The following ASB5 variants were observed in gnomAD, a reference collection of about 807,000 sequenced individuals.
ASB5 encodes ankyrin repeat and SOCS box protein 5.
A neutral mutation model predicts 42.1 loss-of-function variants in ASB5; 45 were observed. That is an observed-to-expected ratio of 1.07 (90% confidence interval 0.84 to 1.37). ASB5 has a LOEUF of 1.37. Ranked by LOEUF, ASB5 falls within the 40% of genes most tolerant of loss-of-function variation. The probability of loss-of-function intolerance (pLI) is 0.00; values close to 1 mark genes in which losing one functional copy is unlikely to be tolerated. For synonymous variants in ASB5, 147 were observed against 150.6 expected, an observed-to-expected ratio of 0.98 and a Z score of 0.18; for missense variants, 402 against 399.8, an observed-to-expected ratio of 1.01 and a Z score of -0.05.
chr4:176,249,248 T>G (rs951767253), intron 1 of ASB5, among the ~76,000 whole-genome samples: 1 of 152,266 alleles, frequency 6.6e-6, no homozygotes, highest in African/African-American at 2.4e-5. Context: ...ATTACAGGCG[T>G]GAGCCACCGC....
chr4:176,275,712 T>C (rs1302100126), intron 2 of ASB5: 1 of 152,218 alleles, frequency 6.6e-6, no homozygotes, highest in East Asian at 1.9e-4. Flanking sequence ...CTGGTGCTTC[T>C]ATCCTGGAGG....
chr4:176,245,459 C>G (rs1230163708), intron 1 of ASB5, among the ~76,000 whole-genome samples: 1 of 152,158 alleles, frequency 6.6e-6, no homozygotes, highest in Non-Finnish European at 1.5e-5. Flanking sequence ...GGAGTATAAA[C>G]TAGTTCAACC....
At position 176,221,516 on chromosome 4, in the gene ASB5, C is replaced by T; in HGVS notation, c.469G>A (p.Glu157Lys). 2 of 1,614,124 alleles carry T rather than the reference C, an allele frequency of 1.2e-6. No homozygotes were observed. The highest frequency in any genetic ancestry group is 2.7e-5 in the African/African-American group (2 of 75,034). The change falls in exon 4 of 7, where the codon GAG becomes AAG. Residue 157 changes from glutamate (E) to lysine (K), a missense_variant. Transcript: ENST00000296525. The part of the protein sequence containing the change: ...GSPSCAELLL[E>K]YGAKAQLESC... ...TCCAGCTGGGCTTTGGCACCATACT[C>T]CAGAAGCAGCTCTGCACAGCTTGGA...
chr4:176,244,494 T>C (rs4690672), intron 1 of ASB5, among the ~76,000 whole-genome samples: 138,697 of 152,270 alleles, frequency 0.91, 63,363 homozygotes, highest in Non-Finnish European at 0.93. Context: ...AAAAACACGA[T>C]CTCACATCTA....
chr4:176,246,236 A>G (rs1488522986), intron 1 of ASB5, among the ~76,000 whole-genome samples: 3 of 152,196 alleles, frequency 2.0e-5, no homozygotes, highest in Non-Finnish European at 4.4e-5. Flanking sequence ...TTTTACAGCT[A>G]CTATAAGACT....
chr4:176,238,795 C>A (rs1436092199), intron 1 of ASB5, among the ~76,000 whole-genome samples: 1 of 152,172 alleles, frequency 6.6e-6, no homozygotes, highest in Non-Finnish European at 1.5e-5. Flanking sequence ...ATGCACTACC[C>A]TATGGACATT....
At chr4:176,227,500 G>C (rs1753412950) in intron 1 of ASB5, among the ~76,000 whole-genome samples, 1 of 152,154 alleles carries the variant, frequency 6.6e-6, no homozygotes, top group Admixed American at 6.5e-5. Context: ...ATGATAACCT[G>C]ATTGCCTAAA....
intron 1 of ASB5, among the ~76,000 whole-genome samples, chr4:176,260,677 T>G (rs1391648497): frequency 3.9e-5 from 6 of 152,258 alleles, no homozygotes; most frequent in Admixed American, 2.6e-4. Context: ...TTTGTTTTTG[T>G]TTGTTTGTTT....
chr4:176,235,613 T>C (rs757288831), intron 1 of ASB5, among the ~76,000 whole-genome samples: 5 of 152,190 alleles, frequency 3.3e-5, no homozygotes, highest in Non-Finnish European at 7.3e-5. Flanking sequence ...TGGCTTTTAG[T>C]TTTGGGAAAT....
At chr4:176,248,129 T>G (rs1481343344) in intron 1 of ASB5, among the ~76,000 whole-genome samples, 2 of 152,158 alleles carry the variant, frequency 1.3e-5, no homozygotes, top group Non-Finnish European at 2.9e-5. Flanking sequence ...TTTTTATTTT[T>G]TATCTTTTCA....
At position 176,221,305 on chromosome 4, in the gene ASB5, A is replaced by G; in HGVS notation, c.536-16T>C. The G allele has an allele frequency of 5.0e-6, 8 of 1,613,168 alleles. No individual in the cohort carries two copies. The highest frequency in any genetic ancestry group is 5.9e-6 in the Non-Finnish European group (7 of 1,179,532). On this transcript the variant is annotated splice_polypyrimidine_tract_variant and intron_variant, in intron 4 of 6. Transcript: ENST00000296525. ...TCATGGTGACCTGCCAACACAAAGT[A>G]GAGGAGTTTAACTTAATGCCCATCC...
intron 5 of ASB5, among the ~76,000 whole-genome samples, chr4:176,217,998 G>A (rs964652484): frequency 1.1e-4 from 17 of 150,860 alleles, no homozygotes; most frequent in Admixed American, 7.3e-4. Context: ...AAAATGTTTC[G>A]TGAAAAAATT....
At chr4:176,219,285 AAT>A (rs1252803872) in intron 5 of ASB5, among the ~76,000 whole-genome samples, 4 of 108,108 alleles carry the variant, frequency 3.7e-5, no homozygotes, top group East Asian at 2.6e-4. Flanking sequence ...ATGATATATA[AAT>A]ATATATATTT....
At position 176,216,822 on chromosome 4, in the gene ASB5, A is replaced by G. The variant is rs1752982419; in HGVS notation, c.858T>C (p.His286=). 1 of 1,567,574 alleles carries G rather than the reference A, an allele frequency of 6.4e-7. No individual in the cohort carries two copies. The highest frequency in any genetic ancestry group is 8.6e-7 in the Non-Finnish European group (1 of 1,160,130). Residue 286 remains histidine, a synonymous_variant, in exon 6 of 7, where the codon CAT becomes CAC. Coordinates refer to ENST00000296525, the MANE Select transcript of ASB5 (RefSeq NM_080874.4). ...TTCCACATGTATTTTTCTTACCTTCATGTTGAAGCAATATCCTTTCCACCA... is the reference window on the plus strand; with the variant it reads ...TTCCACATGTATTTTTCTTACCTTCGTGTTGAAGCAATATCCTTTCCACCA... ...SSMVERILLQ[H]EATPSSLYQL...
intron 1 of ASB5, among the ~76,000 whole-genome samples, chr4:176,234,378 C>T (rs1753630789): frequency 6.6e-6 from 1 of 152,176 alleles, no homozygotes; most frequent in South Asian, 2.1e-4. Flanking sequence ...CTGAAGTACT[C>T]CTTTCTGAGA....
intron 1 of ASB5, among the ~76,000 whole-genome samples, chr4:176,245,890 G>T (rs533451532): frequency 6.6e-6 from 1 of 152,032 alleles, no homozygotes; most frequent in African/African-American, 2.4e-5. Context: ...ACACACTGGG[G>T]CCTGTCGTGG....
chr4:176,275,574 C>T (rs1209387813), intron 2 of ASB5, among the ~76,000 whole-genome samples: 1 of 152,224 alleles, frequency 6.6e-6, no homozygotes, highest in Non-Finnish European at 1.5e-5. Context: ...ACTCTTCCTG[C>T]TTCCATCTCC....
At chr4:176,267,650 T>C (rs1003541597) in intron 1 of ASB5, among the ~76,000 whole-genome samples, 8 of 152,144 alleles carry the variant, frequency 5.3e-5, no homozygotes, top group Admixed American at 1.3e-4. Context: ...GTTCTCTCTG[T>C]TCTAAGGCAG....
chr4:176,270,942 G>T (rs1754458582), upstream of ASB5, among the ~76,000 whole-genome samples: 1 of 152,048 alleles, frequency 6.6e-6, no homozygotes, highest in East Asian at 1.9e-4. Context: ...GCCCATCTAA[G>T]GTTTCAGTCC....
Sources: gnomAD v4.1 joint callset for allele counts (sites outside exome capture counted in the v4.1 genomes callset) on GRCh38, gnomAD v4.1.1 for gene constraint, MANE v1.5 for transcripts, NCBI Gene and HGNC (gene_info 2026-07-23, HGNC 2026-07-21) for gene names.